SRGAP3: variants seen among roughly 807,000 people sequenced by gnomAD.
SRGAP3 encodes the protein SLIT-ROBO Rho GTPase-activating protein 3.
A neutral mutation model predicts 121.1 loss-of-function variants in SRGAP3; 39 were observed. The observed-to-expected ratio is 0.32, with a 90% CI of 0.25 to 0.42. SRGAP3 has a LOEUF of 0.42. Among genes scored for constraint, SRGAP3 ranks in the 10% least tolerant of loss-of-function variants. SRGAP3 has a pLI of 1.00. For synonymous variants in SRGAP3, 601 were observed against 570.0 expected (o/e 1.05, Z -0.77); for missense variants, 1,213 against 1,470.6 (o/e 0.82, Z 2.86).
chr3:9,083,317 C>T (rs1304131925), intron 3 of SRGAP3, among the ~76,000 whole-genome samples: 1 of 152,186 alleles, frequency 6.6e-6, no homozygotes, highest in African/African-American at 2.4e-5. Flanking sequence ...TAAAGAAATT[C>T]TAACAGCCAG....
chr3:9,037,868 C>T (rs1158911482), intron 11 of SRGAP3, 195 bp downstream of exon 11: 7 of 697,014 alleles, frequency 1.0e-5, no homozygotes, highest in Non-Finnish European at 1.7e-5. Flanking sequence ...CCTGGAGGGG[C>T]GTGGCTTTGT....
chr3:9,271,273 G>T (rs933796881), intron 3 of SRGAP3, among the ~76,000 whole-genome samples: 2 of 152,222 alleles, frequency 1.3e-5, no homozygotes, highest in Admixed American at 6.5e-5. Context: ...GGCAGAGGTT[G>T]CAGTGAGCCA....
At chr3:9,310,868 C>G (rs527992719) in intron 3 of SRGAP3, among the ~76,000 whole-genome samples, 4 of 152,022 alleles carry the variant, frequency 2.6e-5, no homozygotes, top group Non-Finnish European at 5.9e-5. Context: ...TCTAAAGATT[C>G]CTGAATAATA....
intron 3 of SRGAP3, among the ~76,000 whole-genome samples, chr3:9,087,026 G>C (rs552569673): frequency 1.3e-5 from 2 of 150,808 alleles, no homozygotes; most frequent in Non-Finnish European, 3.0e-5. Context: ...ATACATATAC[G>C]TATATTATGT....
At position 9,094,596 on chromosome 3, in the gene SRGAP3, C is replaced by T. The variant is rs188181147; in HGVS notation, c.423+10084G>A. Among the ~76,000 whole-genome samples the T allele has an allele frequency of 4.6e-5, 7 of 152,232 alleles. No homozygotes were observed. In the East Asian group the frequency reaches 9.6e-4, roughly 21 times the overall value. The stretch of plus-strand genomic sequence containing the variant: ...GACTTATTTACATGTTTCCTGGGAA[C>T]GCATGAGGGTCCTGAGGCTCCACAT... On this transcript the variant is annotated intron_variant, in intron 3 of 21. Coordinates refer to ENST00000383836, the MANE Select transcript of SRGAP3 (RefSeq NM_014850.4).
At chr3:9,272,829 A>G (rs1229069446) in intron 3 of SRGAP3, among the ~76,000 whole-genome samples, 3 of 151,988 alleles carry the variant, frequency 2.0e-5, no homozygotes, top group Non-Finnish European at 4.4e-5. Flanking sequence ...GAACTTAAGT[A>G]CTTTTTTCCA....
chr3:8,991,251 CT>C (rs1942040319), intron 20 of SRGAP3, among the ~76,000 whole-genome samples: 1 of 152,162 alleles, frequency 6.6e-6, no homozygotes, highest in African/African-American at 2.4e-5. Flanking sequence ...TGGTCTGAAG[CT>C]TTGAGGCTTG....
chr3:9,031,500 C>A (rs899073415), intron 12 of SRGAP3, among the ~76,000 whole-genome samples: 1 of 152,174 alleles, frequency 6.6e-6, no homozygotes, highest in African/African-American at 2.4e-5. Context: ...CGACCCTGGG[C>A]AGTCCCAACT....
intron 4 of SRGAP3, among the ~76,000 whole-genome samples, chr3:9,074,111 A>G (rs1173051376): frequency 1.3e-5 from 2 of 152,204 alleles, no homozygotes; most frequent in Non-Finnish European, 2.9e-5. Context: ...AGCATCACAG[A>G]GAGCAGGCCC....
rs146774978 is a variant in SRGAP3, at chr3:9,044,501, C to T, written c.1408+2890G>A. Among the ~76,000 whole-genome samples the T allele has an allele frequency of 6.7e-3, 1,016 of 152,228 alleles. 2 individuals are homozygous for T. Among genetic ancestry groups the T allele is most frequent in the Middle Eastern group, 0.014 (4 of 294 alleles). Reference sequence around the variant, plus strand: ...ACTCAGAACAGCGAGAAATTTAAAACGTATGAATTGTTTATTTCGGGAATT... The same window carrying T: ...ACTCAGAACAGCGAGAAATTTAAAATGTATGAATTGTTTATTTCGGGAATT... On this transcript the variant is annotated intron_variant, in intron 10 of 21. Transcript: ENST00000383836.
At chr3:9,356,192 CTTTTTTTT>C (rs929664300) in intron 1 of SRGAP3, among the ~76,000 whole-genome samples, 1 of 122,300 alleles carries the variant, frequency 8.2e-6, no homozygotes, top group Non-Finnish European at 1.8e-5. Context: ...ACTTTTTTTT[CTTTTTTTT>C]TTTTTTTTTT....
rs562085289 is a variant in SRGAP3, at chr3:9,298,413, G to A, written n.442+27597C>T. ...TTCATAATTCATCATCATGTCTTTA[G>A]TCTTGCTCTCTTCAAAACACCCTAC... On this transcript the variant is annotated intron_variant and non_coding_transcript_variant, in intron 3 of 3. Coordinates refer to the SRGAP3 transcript ENST00000490889. Among the ~76,000 whole-genome samples the A allele has an allele frequency of 2.6e-4, 40 of 152,218 alleles. No homozygotes were observed. The South Asian group carries it at 8.3e-3, about 32-fold the overall frequency.
chr3:9,193,803 T>C (rs900494875), intron 1 of SRGAP3: 1 of 152,150 alleles, frequency 6.6e-6, no homozygotes, highest in African/African-American at 2.4e-5. Context: ...GCCTTCTGAG[T>C]GAAGGTGATC....
intron 1 of SRGAP3, among the ~76,000 whole-genome samples, chr3:9,334,106 A>G (rs1955651874): frequency 6.6e-6 from 1 of 152,100 alleles, no homozygotes; most frequent in Admixed American, 6.5e-5. Context: ...ACTTCACAGG[A>G]TGATTGCTGT....
intron 1 of SRGAP3, among the ~76,000 whole-genome samples, chr3:9,177,452 G>A (rs925683101): frequency 6.6e-6 from 1 of 152,170 alleles, no homozygotes; most frequent in Non-Finnish European, 1.5e-5. Flanking sequence ...CTGGCTGGGG[G>A]ACCTGGAGGA....
intron 1 of SRGAP3, among the ~76,000 whole-genome samples, chr3:9,167,153 C>A (rs531620805): frequency 6.6e-6 from 1 of 152,276 alleles, no homozygotes; most frequent in African/African-American, 2.4e-5. Context: ...TTCTCCTGGG[C>A]AGGAGAAAGG....
intron 1 of SRGAP3, chr3:9,349,002 G>GC (rs1402891564): frequency 3.2e-5 from 30 of 928,398 alleles, no homozygotes; most frequent in African/African-American, 8.1e-5. Flanking sequence ...CATGGCAACA[G>GC]CCCCCCGGGC....
chr3:9,292,585 ATAAT>A (rs1954888053), intron 3 of SRGAP3: 2 of 152,322 alleles, frequency 1.3e-5, no homozygotes, highest in African/African-American at 2.4e-5. Flanking sequence ...TTATCAAGTA[ATAAT>A]TAATTCATTT....
chr3:9,362,162 C>CTTTTTTTT (rs36036357), intron 1 of SRGAP3, among the ~76,000 whole-genome samples: 2 of 90,930 alleles, frequency 2.2e-5, no homozygotes, highest in African/African-American at 4.8e-5. Flanking sequence ...AGGTTCAACT[C>CTTTTTTTT]TTTTTTTTTT....
Sources: gnomAD v4.1 joint callset for allele counts (sites outside exome capture counted in the v4.1 genomes callset) on GRCh38, gnomAD v4.1.1 for gene constraint, MANE v1.5 for transcripts, NCBI Gene and HGNC (gene_info 2026-07-23, HGNC 2026-07-21) for gene names.